Variants in SMPD3 observed in about 807,000 individuals in gnomAD.
The protein encoded by SMPD3 is nSMase-2.
A neutral mutation model predicts 55.7 loss-of-function variants in SMPD3; 21 were observed. That is an observed-to-expected ratio of 0.38 (90% CI 0.27 to 0.54). The LOEUF (loss-of-function observed/expected upper bound fraction) is 0.54, where lower values mean the gene tolerates loss of function less well. Among genes scored for constraint, SMPD3 ranks in the 20% least tolerant of loss-of-function variants. The pLI, the probability that SMPD3 is intolerant of heterozygous loss-of-function variation, is 0.80. For missense variants in SMPD3, 842 were observed against 899.6 expected, an observed-to-expected ratio of 0.94 and a Z score of 0.82; for synonymous variants, 457 against 404.3, an observed-to-expected ratio of 1.13 and a Z score of -1.56.
chr16:68,420,076 T>G (rs2090378316), intron 1 of SMPD3, among the ~76,000 whole-genome samples: 1 of 150,972 alleles, frequency 6.6e-6, no homozygotes, highest in South Asian at 2.1e-4. Flanking sequence ...CTCAACCTCC[T>G]AGGCTCAAGC....
chr16:68,420,767 T>C (rs555102767), intron 1 of SMPD3, among the ~76,000 whole-genome samples: 37 of 152,368 alleles, frequency 2.4e-4, no homozygotes, highest in African/African-American at 8.7e-4. Context: ...GGATATTCTG[T>C]GTTCACATGA....
chr16:68,378,076 G>A (rs577489827), intron 2 of SMPD3, among the ~76,000 whole-genome samples: 87 of 152,188 alleles, frequency 5.7e-4, no homozygotes, highest in Non-Finnish European at 1.0e-3. Flanking sequence ...CGGCAGCAGG[G>A]CTGGGAGTCC....
At chr16:68,418,956 T>G (rs994166246) in intron 1 of SMPD3, among the ~76,000 whole-genome samples, 2 of 151,908 alleles carry the variant, frequency 1.3e-5, no homozygotes, top group Admixed American at 1.3e-4. Context: ...AAAGGGATGG[T>G]GTGAGTGCAG....
chr16:68,425,956 G>T (rs1449242067), intron 1 of SMPD3, among the ~76,000 whole-genome samples: 1 of 152,186 alleles, frequency 6.6e-6, no homozygotes, highest in East Asian at 1.9e-4. Context: ...CCATGTGGAG[G>T]ATGCTAAGGG....
intron 2 of SMPD3, among the ~76,000 whole-genome samples, chr16:68,375,688 G>A (rs1216694469): frequency 6.6e-6 from 1 of 152,284 alleles, no homozygotes; most frequent in East Asian, 1.9e-4. Flanking sequence ...AAACCCTGTG[G>A]GCCAGCTTCC....
intron 1 of SMPD3, among the ~76,000 whole-genome samples, chr16:68,391,280 G>A (rs1034013783): frequency 1.3e-5 from 2 of 152,222 alleles, no homozygotes; most frequent in African/African-American, 4.8e-5. Context: ...CAACTTGACT[G>A]TAGATACTGA....
chr16:68,421,103 C>T (rs2090389755), intron 1 of SMPD3, among the ~76,000 whole-genome samples: 1 of 152,200 alleles, frequency 6.6e-6, no homozygotes. Context: ...TGGGTTCTAC[C>T]TGATGCTCAT....
intron 1 of SMPD3, among the ~76,000 whole-genome samples, chr16:68,446,989 C>T (rs566872072): frequency 6.6e-6 from 1 of 152,196 alleles, no homozygotes; most frequent in Non-Finnish European, 1.5e-5. Context: ...TTTTCCATCC[C>T]GGCTCGCGCG....
At chr16:68,361,911 A>AT in intron 7 of SMPD3, 152 bp from the exon 8 acceptor site, 1 of 1,196,612 alleles carries the variant, frequency 8.4e-7, no homozygotes, top group Non-Finnish European at 1.1e-6. Context: ...GCGGGTCCAA[A>AT]AAGGGCCTCA....
intron 1 of SMPD3, among the ~76,000 whole-genome samples, chr16:68,400,111 A>G (rs2090193359): frequency 1.3e-5 from 2 of 152,352 alleles, no homozygotes; most frequent in Middle Eastern, 6.8e-3. Flanking sequence ...GTCTGACTCT[A>G]AAACCAGTGC....
rs1026051431 is a variant in SMPD3, at chr16:68,434,360, G to A, written c.-269+13993C>T. 1.3e-5 allele frequency among the ~76,000 whole-genome samples: 2 copies of A among 152,170 alleles called. 1 individual carries two copies. Among genetic ancestry groups the A allele is most frequent in the South Asian group, 4.1e-4 (2 of 4,834 alleles). ...AAAGTACTGAGTGTACAAATGTTCA[G>A]AACAGTTATGCTTTCACAATTGCTC... On this transcript the variant is annotated intron_variant, in intron 1 of 8. Coordinates refer to ENST00000219334, the MANE Select transcript of SMPD3 (RefSeq NM_018667.4).
In SMPD3 at chr16:68,447,596, C is replaced by A. The variant is rs2090620464; in HGVS notation, c.-269+757G>T. Among the ~76,000 whole-genome samples the A allele has an allele frequency of 6.6e-6, 1 of 152,074 alleles. No homozygotes were observed. The highest frequency in any genetic ancestry group is 1.5e-5 in the Non-Finnish European group (1 of 67,996). ...ACCCAACCCTCGGCGCGGGCCCGAGCGCGGGGGATTCCGAGTGTCAGTGCT... is the reference window on the plus strand; with the variant it reads ...ACCCAACCCTCGGCGCGGGCCCGAGAGCGGGGGATTCCGAGTGTCAGTGCT... On this transcript the variant is annotated intron_variant, in intron 1 of 8. Transcript: ENST00000219334. This position sits in a 1 kb window ranked among gnomAD's most constrained non-coding sequence, Gnocchi z 5.1.
intron 1 of SMPD3, among the ~76,000 whole-genome samples, chr16:68,395,439 G>A (rs2090147127): frequency 6.6e-6 from 1 of 152,226 alleles, no homozygotes; most frequent in South Asian, 2.1e-4. Context: ...GTCTTGCAGA[G>A]TGAAATAGTT....
chr16:68,364,954 C>A (rs1567778001), intron 4 of SMPD3, 48 bp from the exon 5 acceptor site: 4 of 1,613,474 alleles, frequency 2.5e-6, no homozygotes, highest in Non-Finnish European at 3.4e-6. Context: ...CGCCCCAGAC[C>A]CCAGCTAGGC....
intron 3 of SMPD3, among the ~76,000 whole-genome samples, chr16:68,365,595 C>T (rs1016206660): frequency 1.3e-5 from 2 of 152,138 alleles, no homozygotes; most frequent in Non-Finnish European, 2.9e-5. Flanking sequence ...CCCTGCCCCT[C>T]CTGGCCTCGT....
chr16:68,435,973 C>G (rs1288184934), intron 1 of SMPD3, among the ~76,000 whole-genome samples: 10 of 152,216 alleles, frequency 6.6e-5, no homozygotes, highest in Admixed American at 2.6e-4. Context: ...AGCTAATCCT[C>G]TGCGATCCCT....
chr16:68,434,916 C>G (rs1391594971), intron 1 of SMPD3, among the ~76,000 whole-genome samples: 5 of 152,184 alleles, frequency 3.3e-5, no homozygotes, highest in Non-Finnish European at 7.3e-5. Flanking sequence ...TGTTTGCTAG[C>G]TCCAGGAAGG....
intron 1 of SMPD3, among the ~76,000 whole-genome samples, chr16:68,444,509 C>A (rs2090594865): frequency 8.7e-6 from 1 of 115,548 alleles, no homozygotes; most frequent in South Asian, 3.4e-4. Context: ...TCCTTCTTTT[C>A]TATGAACTCC....
At chr16:68,376,701 C>CCA (rs913587151) in intron 2 of SMPD3, among the ~76,000 whole-genome samples, 17 of 152,214 alleles carry the variant, frequency 1.1e-4, no homozygotes, top group African/African-American at 3.6e-4. Flanking sequence ...CTGGCAGGCC[C>CCA]CATGGTCACT....
Sources: gnomAD v4.1 joint callset for allele counts (sites outside exome capture counted in the v4.1 genomes callset) on GRCh38, gnomAD v4.1.1 for gene constraint, Gnocchi (gnomAD v3.1) non-coding constraint, MANE v1.5 for transcripts, NCBI Gene and HGNC (gene_info 2026-07-23, HGNC 2026-07-21) for gene names.